Variants in KCNJ6 observed in about 807,000 individuals in gnomAD.
KCNJ6 encodes potassium inwardly rectifying channel subfamily J member 6.
A neutral mutation model predicts 34.2 loss-of-function variants in KCNJ6; 9 were observed. The ratio of observed to expected loss-of-function variants is 0.26; its 90% CI spans 0.16 to 0.46. KCNJ6 has a LOEUF of 0.46. Ranked by LOEUF, KCNJ6 falls within the 20% of genes least tolerant of loss-of-function variation. The probability of loss-of-function intolerance (pLI) is 1.00; values close to 1 mark genes in which losing one functional copy is unlikely to be tolerated. For missense variants in KCNJ6, 236 were observed against 531.3 expected, an observed-to-expected ratio of 0.44 and a Z score of 5.46; for synonymous variants, 196 against 207.1, an observed-to-expected ratio of 0.95 and a Z score of 0.46.
chr21:37,670,245 C>A (rs1395739923), intron 3 of KCNJ6, among the ~76,000 whole-genome samples: 5 of 152,304 alleles, frequency 3.3e-5, no homozygotes. Context: ...GCCTTATATT[C>A]AGTCACTGCT....
At chr21:37,625,669 C>G (rs1415887511) in intron 3 of KCNJ6, among the ~76,000 whole-genome samples, 185 bp from the exon 4 acceptor site, 1 of 152,252 alleles carries the variant, frequency 6.6e-6, no homozygotes, top group East Asian at 1.9e-4. Flanking sequence ...TTCCAGGCCT[C>G]TTAAGGGAGT....
intron 1 of KCNJ6, among the ~76,000 whole-genome samples, chr21:37,890,208 T>C (rs542363742): frequency 6.6e-6 from 1 of 152,220 alleles, no homozygotes; most frequent in Admixed American, 6.5e-5. Context: ...CACATCCTTC[T>C]TCACACGGCA....
At chr21:37,910,871 T>A (rs893914226) in intron 1 of KCNJ6, among the ~76,000 whole-genome samples, 1 of 152,188 alleles carries the variant, frequency 6.6e-6, no homozygotes, top group Admixed American at 6.5e-5. Context: ...CCATATAAAA[T>A]CAGATCTGAA....
intron 2 of KCNJ6, among the ~76,000 whole-genome samples, chr21:37,836,394 T>C (rs2055451765): frequency 6.6e-6 from 1 of 152,186 alleles, no homozygotes; most frequent in Admixed American, 6.5e-5. Flanking sequence ...ACTGGGTATA[T>C]ACCCAAAGGA....
chr21:37,656,507 T>A (rs917441226), intron 3 of KCNJ6, among the ~76,000 whole-genome samples: 3 of 152,178 alleles, frequency 2.0e-5, no homozygotes, highest in Admixed American at 6.5e-5. Flanking sequence ...TCACATGTGG[T>A]ACTCTAACCT....
At chr21:37,831,753 C>T (rs1260871905) in intron 2 of KCNJ6, among the ~76,000 whole-genome samples, 1 of 152,112 alleles carries the variant, frequency 6.6e-6, no homozygotes, top group African/African-American at 2.4e-5. Flanking sequence ...GAGGGGCACA[C>T]GGTCCTGGGG....
intron 2 of KCNJ6, among the ~76,000 whole-genome samples, chr21:37,719,895 T>C (rs890611818): frequency 2.6e-5 from 4 of 152,206 alleles, no homozygotes; most frequent in Non-Finnish European, 5.9e-5. Context: ...TGGTCTGTAG[T>C]AGATGTTTCT....
At chr21:37,710,134 G>A (rs1310070572) in intron 3 of KCNJ6, among the ~76,000 whole-genome samples, 3 of 152,192 alleles carry the variant, frequency 2.0e-5, no homozygotes, top group African/African-American at 7.2e-5. Flanking sequence ...ATCACCATGT[G>A]TTAACCTTAT....
At chr21:37,751,884 A>G (rs2054997641) in intron 2 of KCNJ6, among the ~76,000 whole-genome samples, 1 of 152,184 alleles carries the variant, frequency 6.6e-6, no homozygotes, top group Admixed American at 6.5e-5. Context: ...GACATATGAT[A>G]ATTCCTCAAT....
intron 2 of KCNJ6, among the ~76,000 whole-genome samples, chr21:37,827,142 G>C (rs1455992414): frequency 1.3e-5 from 2 of 152,178 alleles, no homozygotes; most frequent in Admixed American, 1.3e-4. Context: ...ACTAAGCAGG[G>C]AATGATATTT....
chr21:37,713,069 C>G (rs1221225040), intron 3 of KCNJ6, among the ~76,000 whole-genome samples: 1 of 151,978 alleles, frequency 6.6e-6, no homozygotes, highest in Non-Finnish European at 1.5e-5. Context: ...AGTTTCACAC[C>G]ACCACCGTAA....
chr21:37,773,843 A>G (rs1281320546), intron 2 of KCNJ6, among the ~76,000 whole-genome samples: 1 of 152,054 alleles, frequency 6.6e-6, no homozygotes, highest in Non-Finnish European at 1.5e-5. Flanking sequence ...TTCTAGCTCC[A>G]GTTTGAAGCA....
chr21:37,761,640 TGTG>T (rs2055064984), intron 2 of KCNJ6, among the ~76,000 whole-genome samples: 1 of 150,894 alleles, frequency 6.6e-6, no homozygotes, highest in African/African-American at 2.4e-5. Context: ...TGTGTTGTGT[TGTG>T]TGTGTATATT....
At chr21:37,884,109 C>T (rs1352852636) in intron 1 of KCNJ6, among the ~76,000 whole-genome samples, 1 of 152,192 alleles carries the variant, frequency 6.6e-6, no homozygotes, top group Non-Finnish European at 1.5e-5. Flanking sequence ...TACTACTTTG[C>T]TCGTGTAGAA....
chr21:37,800,839 T>A (rs2055265751), intron 2 of KCNJ6, among the ~76,000 whole-genome samples: 2 of 152,222 alleles, frequency 1.3e-5, no homozygotes, highest in South Asian at 2.1e-4. Flanking sequence ...CATGACTTTA[T>A]GAAATTCCAC....
intron 2 of KCNJ6, among the ~76,000 whole-genome samples, chr21:37,783,212 C>A (rs138949646): frequency 5.0e-4 from 76 of 152,300 alleles, no homozygotes; most frequent in African/African-American, 1.7e-3. Flanking sequence ...GAGGGAGATG[C>A]AGAAGCTAAC....
intron 1 of KCNJ6, among the ~76,000 whole-genome samples, chr21:37,887,254 C>T (rs761698053): frequency 6.6e-6 from 1 of 152,176 alleles, no homozygotes; most frequent in Admixed American, 6.5e-5. Flanking sequence ...ATAGCCATAC[C>T]TTACCCCAGA....
chr21:37,672,945 A>G (rs1361689689), intron 3 of KCNJ6, among the ~76,000 whole-genome samples: 1 of 152,114 alleles, frequency 6.6e-6, no homozygotes, highest in African/African-American at 2.4e-5. Flanking sequence ...TGCCCTGTTA[A>G]TTATTTTATT....
chr21:37,881,945 C>T (rs565092526), intron 1 of KCNJ6, among the ~76,000 whole-genome samples: 26 of 152,222 alleles, frequency 1.7e-4, no homozygotes, highest in African/African-American at 6.3e-4. Context: ...AATTTGTGAC[C>T]AGAGACTTGG....
Sources: gnomAD v4.1 joint callset for allele counts (sites outside exome capture counted in the v4.1 genomes callset) on GRCh38, gnomAD v4.1.1 for gene constraint, MANE v1.5 for transcripts, NCBI Gene and HGNC (gene_info 2026-07-23, HGNC 2026-07-21) for gene names.